SEMA6D: variants seen among roughly 807,000 people sequenced by gnomAD.
The protein encoded by SEMA6D is semaphorin 6D, also known as semaphorin-6D.
SEMA6D carries 35 observed loss-of-function variants against 106.6 expected under a neutral mutation model. That is an observed-to-expected ratio of 0.33 (90% CI 0.25 to 0.44). The LOEUF (loss-of-function observed/expected upper bound fraction) is 0.44, where lower values mean the gene tolerates loss of function less well. Among genes scored for constraint, SEMA6D ranks in the 20% least tolerant of loss-of-function variants. The pLI, the probability that SEMA6D is intolerant of heterozygous loss-of-function variation, is 1.00. For synonymous variants in SEMA6D, 499 were observed against 487.7 expected (o/e 1.02, Z -0.31); for missense variants, 1,185 against 1,345.9 (o/e 0.88, Z 1.87).
chr15:47,364,419 G>A (rs941920427), intron 1 of SEMA6D, among the ~76,000 whole-genome samples: 1 of 152,146 alleles, frequency 6.6e-6, no homozygotes, highest in African/African-American at 2.4e-5. Flanking sequence ...TAGAAGAAAA[G>A]GTCTAAAGGG....
chr15:47,247,605 C>T (rs1205754638), intron 1 of SEMA6D, among the ~76,000 whole-genome samples: 1 of 152,152 alleles, frequency 6.6e-6, no homozygotes, highest in Non-Finnish European at 1.5e-5. Flanking sequence ...GATAAACATA[C>T]TCCTATTTGT....
At chr15:47,223,806 A>C (rs1454789669) in intron 1 of SEMA6D, among the ~76,000 whole-genome samples, 1 of 152,090 alleles carries the variant, frequency 6.6e-6, no homozygotes, top group Non-Finnish European at 1.5e-5. Context: ...TATGGTACAT[A>C]TATTTATTTG....
chr15:47,628,648 A>G (rs530100814), intron 4 of SEMA6D, among the ~76,000 whole-genome samples: 2 of 152,172 alleles, frequency 1.3e-5, no homozygotes, highest in African/African-American at 4.8e-5. Flanking sequence ...TCTAGATGCT[A>G]GTCCTTTGTC....
intron 1 of SEMA6D, among the ~76,000 whole-genome samples, chr15:47,748,378 G>C (rs1438975108): frequency 6.6e-6 from 1 of 152,216 alleles, no homozygotes; most frequent in Non-Finnish European, 1.5e-5. Context: ...GGACCTGCCA[G>C]GTGCCAGGCC....
intron 4 of SEMA6D, among the ~76,000 whole-genome samples, chr15:47,658,268 C>CATAT (rs1322228619): frequency 2.0e-5 from 3 of 152,050 alleles, no homozygotes; most frequent in African/African-American, 4.8e-5. Context: ...AGTAACTGAT[C>CATAT]ATATTAATAG....
intron 3 of SEMA6D, among the ~76,000 whole-genome samples, chr15:47,598,935 T>A (rs1469691852): frequency 6.6e-6 from 1 of 152,126 alleles, no homozygotes; most frequent in Non-Finnish European, 1.5e-5. Flanking sequence ...ACCTTTCCAC[T>A]CAAGGCTTGG....
intron 1 of SEMA6D, among the ~76,000 whole-genome samples, chr15:47,728,099 C>A (rs1219322346): frequency 6.6e-6 from 1 of 152,202 alleles, no homozygotes; most frequent in East Asian, 1.9e-4. Context: ...CTATAAGCCA[C>A]ACAATGAAGC....
At chr15:47,411,755 A>C (rs1243339265) in intron 1 of SEMA6D, among the ~76,000 whole-genome samples, 1 of 151,958 alleles carries the variant, frequency 6.6e-6, no homozygotes, top group Admixed American at 6.6e-5. Context: ...ATGGGCTCGC[A>C]TTTCTTCTGT....
At chr15:47,565,586 G>C (rs61998619) in intron 3 of SEMA6D, among the ~76,000 whole-genome samples, 3,762 of 152,288 alleles carry the variant, frequency 0.025, 65 homozygotes, top group Middle Eastern at 0.044. Context: ...TCTAAAATCT[G>C]TACAATTCTG....
chr15:47,384,566 C>T (rs1327094791), intron 1 of SEMA6D, among the ~76,000 whole-genome samples: 2 of 152,194 alleles, frequency 1.3e-5, no homozygotes, highest in Non-Finnish European at 2.9e-5. Context: ...CTGCAGCCTG[C>T]AAAGGACTAA....
chr15:47,435,629 A>G (rs1403605774), intron 2 of SEMA6D, among the ~76,000 whole-genome samples: 9 of 152,052 alleles, frequency 5.9e-5, no homozygotes, highest in Non-Finnish European at 1.2e-4. Context: ...TGAGAGATGC[A>G]AGATGCATAC....
At chr15:47,325,089 G>A (rs1286303276) in intron 1 of SEMA6D, among the ~76,000 whole-genome samples, 1 of 151,986 alleles carries the variant, frequency 6.6e-6, no homozygotes, top group East Asian at 1.9e-4. Context: ...GTATAGAGTA[G>A]GCAATATTTA....
intron 4 of SEMA6D, among the ~76,000 whole-genome samples, chr15:47,690,143 G>A (rs933928280): frequency 4.6e-5 from 7 of 152,174 alleles, no homozygotes; most frequent in Non-Finnish European, 7.3e-5. Flanking sequence ...TTAGCCCATT[G>A]ATGAAGTTAT....
intron 4 of SEMA6D, among the ~76,000 whole-genome samples, chr15:47,617,807 CA>C (rs1379569126): frequency 6.6e-6 from 1 of 152,196 alleles, no homozygotes; most frequent in Non-Finnish European, 1.5e-5. Flanking sequence ...TCTATATAAA[CA>C]CTTAGAACAT....
At chr15:47,494,741 G>GATAGATAGAT (rs1197901780) in intron 3 of SEMA6D, among the ~76,000 whole-genome samples, 5 of 32,986 alleles carry the variant, frequency 1.5e-4, no homozygotes, top group African/African-American at 3.3e-4. Flanking sequence ...GTGGGATGGA[G>GATAGATAGAT]ATATATATAT....
chr15:47,761,174 C>G lies in SEMA6D; in HGVS notation c.299C>G (p.Ser100Ter). ...TTAATACAGAAACTGACATGGCGAT[C>G]AAGACAACAGGATCGAGAAAACTGT... ...VIPNKKLTWRSRQQDRENCAM... is the reference protein window; with the variant it reads ...VIPNKKLTWR Residue 100 changes from serine (S) to a stop codon, truncating the protein, a stop_gained, in exon 5 of 19, where the codon TCA (serine) becomes TGA (stop). Transcript: ENST00000536845. LOFTEE classifies it high-confidence loss of function. 1 of 1,613,748 alleles carries G rather than the reference C, an allele frequency of 6.2e-7. No individual in the cohort carries two copies. Among genetic ancestry groups the G allele is most frequent in the Non-Finnish European group, 8.5e-7 (1 of 1,179,808 alleles).
At chr15:47,306,486 C>T (rs2036238410) in intron 1 of SEMA6D, among the ~76,000 whole-genome samples, 1 of 152,184 alleles carries the variant, frequency 6.6e-6, no homozygotes, top group Non-Finnish European at 1.5e-5. Context: ...CTTTGAGAGG[C>T]TGAGGCGGGC....
At chr15:47,676,804 C>CA (rs926352464) in intron 4 of SEMA6D, among the ~76,000 whole-genome samples, 1 of 152,134 alleles carries the variant, frequency 6.6e-6, no homozygotes, top group African/African-American at 2.4e-5. Flanking sequence ...AGGCTGGACT[C>CA]AGAGAGTTCT....
chr15:47,551,628 G>T (rs1043818466), intron 3 of SEMA6D, among the ~76,000 whole-genome samples: 1 of 149,552 alleles, frequency 6.7e-6, no homozygotes, highest in Admixed American at 6.7e-5. Context: ...ATACTTGACT[G>T]ATATGCCTAG....
Sources: gnomAD v4.1 joint callset for allele counts (sites outside exome capture counted in the v4.1 genomes callset) on GRCh38, gnomAD v4.1.1 for gene constraint, MANE v1.5 for transcripts, NCBI Gene and HGNC (gene_info 2026-07-23, HGNC 2026-07-21) for gene names.